CHL1: variants seen among roughly 807,000 people sequenced by gnomAD.
CHL1 encodes neural cell adhesion molecule L1-like protein.
CHL1 carries 96 observed loss-of-function variants against 141.9 expected under a neutral mutation model. The ratio of observed to expected loss-of-function variants is 0.68; its 90% CI spans 0.57 to 0.80. The LOEUF (loss-of-function observed/expected upper bound fraction) is 0.80, where lower values mean the gene tolerates loss of function less well. CHL1 is among the 30% of genes least tolerant of loss of function. The probability of loss-of-function intolerance (pLI) is 0.00; values close to 1 mark genes in which losing one functional copy is unlikely to be tolerated. For synonymous variants in CHL1, 613 were observed against 502.2 expected (o/e 1.22, Z -2.95); for missense variants, 1,820 against 1,457.2 (o/e 1.25, Z -4.05).
rs145440420 is a variant in CHL1 at position 240,313 on chromosome 3, G to T, written c.-174-4300G>T. The stretch of plus-strand genomic sequence containing the variant: ...TCTTGCAGGAGTCAGGTGGTACAGA[G>T]ATGTAGTTTTGATTTGCATTTCCCT... On this transcript the variant is annotated intron_variant, in intron 1 of 27. Coordinates refer to ENST00000256509, the MANE Select transcript of CHL1 (RefSeq NM_006614.4). Among the ~76,000 whole-genome samples the T allele has an allele frequency of 2.7e-3, 410 of 152,188 alleles. 2 individuals are homozygous for T. The highest frequency in any genetic ancestry group is 9.5e-3 in the African/African-American group (395 of 41,540).
rs1575122005 is a variant in CHL1, at chr3:344,783, A to G, written c.848+74A>G. On this transcript the variant is annotated intron_variant, in intron 9 of 27. Transcript: ENST00000256509. ...AGAATAAGACATCAAGCACATTAAG[A>G]CTGTGCTTGCAAAGATATTTTAAAA... 2.9e-6 allele frequency: 4 copies of G among 1,385,218 alleles called. No individual in the cohort carries two copies. The East Asian group carries it at 7.2e-5, about 25-fold the overall frequency. 85.8% of individuals were successfully genotyped at this position (1,385,218 alleles called of 1,614,324 possible).
chr3:361,356 A>C (rs1014325428), intron 12 of CHL1, among the ~76,000 whole-genome samples: 2 of 129,194 alleles, frequency 1.5e-5, no homozygotes, highest in Non-Finnish European at 3.4e-5. Flanking sequence ...GCAACAAAAG[A>C]CAAAATTGAC....
At chr3:320,264 G>A (rs1700459552) in intron 3 of CHL1, among the ~76,000 whole-genome samples, 1 of 151,954 alleles carries the variant, frequency 6.6e-6, no homozygotes, top group South Asian at 2.1e-4. Context: ...GATGAACTTT[G>A]TATTCTTTTT....
chr3:405,163 T>G (rs1008097746), intron 27 of CHL1, among the ~76,000 whole-genome samples: 4 of 152,132 alleles, frequency 2.6e-5, no homozygotes, highest in Admixed American at 2.0e-4. Context: ...ACACAGATAT[T>G]CAGACCATAG....
chr3:318,124 A>G, intron 2 of CHL1, among the ~76,000 whole-genome samples: 1 of 151,796 alleles, frequency 6.6e-6, no homozygotes, highest in East Asian at 1.9e-4. Flanking sequence ...TTTATGATTA[A>G]TATAATTTTG....
At chr3:199,499 C>T (rs562334015) in intron 1 of CHL1, among the ~76,000 whole-genome samples, 3 of 152,288 alleles carry the variant, frequency 2.0e-5, no homozygotes, top group Non-Finnish European at 2.9e-5. Context: ...CTGTACACTT[C>T]GTGGGCCTAG....
Position 365,939 on chromosome 3 carries a change from G to C in CHL1, c.1586-11G>C, listed in dbSNP as rs1193354903. 1 of 1,607,726 alleles carries C rather than the reference G, an allele frequency of 6.2e-7. No homozygotes were observed. The highest frequency in any genetic ancestry group is 1.3e-5 in the African/African-American group (1 of 74,778). ...TTAGTTCTAACTAATATCTTTGTTT[G>C]GTAAAAACAGATGCTACAAAACTTA... is the stretch of plus-strand genomic sequence containing the variant. On this transcript the variant is annotated splice_polypyrimidine_tract_variant and intron_variant, in intron 14 of 27. Coordinates refer to ENST00000256509, the MANE Select transcript of CHL1 (RefSeq NM_006614.4).
Position 320,986 on chromosome 3 carries a change from T to C in CHL1, c.91+1119T>C, listed in dbSNP as rs184536210. 2.5e-3 allele frequency among the ~76,000 whole-genome samples: 386 copies of C among 152,186 alleles called. 2 individuals carry two copies. The highest frequency in any genetic ancestry group is 0.017 in the Middle Eastern group (5 of 294). On this transcript the variant is annotated intron_variant, in intron 3 of 27. Transcript: ENST00000256509. ...TTTTCTAAATTCTAGAGAAATAATC[T>C]TGAGCTCATAAAATTTAATACATCT...
intron 2 of CHL1, among the ~76,000 whole-genome samples, chr3:251,159 C>A (rs545078929): frequency 1.8e-4 from 27 of 152,084 alleles, no homozygotes; most frequent in African/African-American, 6.5e-4. Context: ...TAAACTAAAC[C>A]AGAAAGTAAG....
chr3:248,002 C>G (rs374009341), intron 2 of CHL1: 1 of 152,052 alleles, frequency 6.6e-6, no homozygotes, highest in African/African-American at 2.4e-5. Context: ...GATGTCTTTA[C>G]CTTTTAAATA....
rs7609614 is a variant in CHL1, at chr3:301,426, A to C, written c.-94-18257A>C. Among the ~76,000 whole-genome samples, 6 of 152,324 alleles carry C rather than the reference A, an allele frequency of 3.9e-5. No individual in the cohort carries two copies. The East Asian group carries it at 1.2e-3, about 29-fold the overall frequency. ...TAAGAGAATTCATTGCCAACCTCCTACTGGCTGTTCTGACCCAATAAACAA... is the reference window on the plus strand; with the variant it reads ...TAAGAGAATTCATTGCCAACCTCCTCCTGGCTGTTCTGACCCAATAAACAA... On this transcript the variant is annotated intron_variant, in intron 2 of 27. Coordinates refer to ENST00000256509, the MANE Select transcript of CHL1 (RefSeq NM_006614.4).
chr3:333,248 A>G (rs1350130909), intron 5 of CHL1, among the ~76,000 whole-genome samples: 8 of 149,738 alleles, frequency 5.3e-5, no homozygotes, highest in Non-Finnish European at 8.9e-5. Context: ...GCAACCATCT[A>G]TATATTGAAT....
At chr3:263,346 G>A (rs1559353842) in intron 2 of CHL1, among the ~76,000 whole-genome samples, 2 of 151,700 alleles carry the variant, frequency 1.3e-5, no homozygotes, top group African/African-American at 4.8e-5. Flanking sequence ...AAAAAAAAAA[G>A]CCAAAGTGCT....
chr3:370,386 A>C (rs1705472133), intron 15 of CHL1, among the ~76,000 whole-genome samples: 1 of 151,858 alleles, frequency 6.6e-6, no homozygotes, highest in Non-Finnish European at 1.5e-5. Flanking sequence ...ATTTGCATAG[A>C]GGTGTTTATA....
At chr3:391,420 G>A (rs557066197) in intron 22 of CHL1, among the ~76,000 whole-genome samples, 1 of 152,268 alleles carries the variant, frequency 6.6e-6, no homozygotes, top group South Asian at 2.1e-4. Context: ...GGAGGCTGAG[G>A]CAGGAGAATC....
intron 2 of CHL1, among the ~76,000 whole-genome samples, chr3:315,917 G>T (rs532085112): frequency 6.6e-6 from 1 of 152,216 alleles, no homozygotes; most frequent in African/African-American, 2.4e-5. Flanking sequence ...TAGTGAGAGA[G>T]AGGGGCTTCC....
At chr3:325,749 A>T (rs1208505872) in intron 3 of CHL1, among the ~76,000 whole-genome samples, 1 of 152,092 alleles carries the variant, frequency 6.6e-6, no homozygotes, top group African/African-American at 2.4e-5. Flanking sequence ...TAAAATGAAC[A>T]TATATTAAAA....
intron 5 of CHL1, among the ~76,000 whole-genome samples, chr3:331,032 C>G (rs773937002): frequency 6.6e-6 from 1 of 152,068 alleles, no homozygotes; most frequent in Non-Finnish European, 1.5e-5. Context: ...CACAGAGAAA[C>G]ATTTATATGG....
At chr3:343,769 G>A (rs563972811) in intron 8 of CHL1, among the ~76,000 whole-genome samples, 1 of 152,142 alleles carries the variant, frequency 6.6e-6, no homozygotes, top group South Asian at 2.1e-4. Context: ...TTTTAAGGTG[G>A]ACTGATTCAT....
Sources: allele counts gnomAD v4.1 joint callset (sites outside exome capture counted in the v4.1 genomes callset), GRCh38; gene constraint gnomAD v4.1.1; transcripts MANE v1.5; gene names NCBI Gene and HGNC (gene_info 2026-07-23, HGNC 2026-07-21).